SEMA3A: variants seen among roughly 807,000 people sequenced by gnomAD.
The protein encoded by SEMA3A is semaphorin-3A.
Under a neutral mutation model 97.9 loss-of-function variants are expected in SEMA3A, and 29 were observed. The observed-to-expected ratio is 0.30, with a 90% confidence interval of 0.22 to 0.40. SEMA3A has a LOEUF of 0.40. Among genes scored for constraint, SEMA3A ranks in the 10% least tolerant of loss-of-function variants. The probability of loss-of-function intolerance (pLI) is 1.00; values close to 1 mark genes in which losing one functional copy is unlikely to be tolerated. For synonymous variants in SEMA3A, 321 were observed against 323.7 expected, an observed-to-expected ratio of 0.99 and a Z score of 0.09; for missense variants, 763 against 951.3, an observed-to-expected ratio of 0.80 and a Z score of 2.60.
chr7:83,956,091 A>G lies in SEMA3A; in HGVS notation c.*5280T>C, dbSNP rs1212803696. Reference sequence around the variant, plus strand: ...AACTTTTTTGGTTTGTTTGTTTAAAATAATAGGAGTCTGCCTATCAACTAC... The same window carrying G: ...AACTTTTTTGGTTTGTTTGTTTAAAGTAATAGGAGTCTGCCTATCAACTAC... On this transcript the variant is annotated 3_prime_UTR_variant, in exon 17 of 17. Coordinates refer to ENST00000265362, the MANE Select transcript of SEMA3A (RefSeq NM_006080.3). 6.6e-6 allele frequency: 1 copy of G among 152,194 alleles called. No homozygotes were observed. The highest frequency in any genetic ancestry group is 1.5e-5 in the Non-Finnish European group (1 of 68,024). 9.4% of individuals were successfully genotyped at this position (152,194 alleles called of 1,614,324 possible).
At chr7:84,345,945 G>A (rs968254357) in intron 2 of SEMA3A, among the ~76,000 whole-genome samples, 1 of 152,128 alleles carries the variant, frequency 6.6e-6, no homozygotes, top group Non-Finnish European at 1.5e-5. Context: ...TAAAGTCCTA[G>A]GCATCTTCTT....
chr7:84,361,186 G>T (rs939272118), intron 2 of SEMA3A, among the ~76,000 whole-genome samples: 16 of 152,036 alleles, frequency 1.1e-4, no homozygotes, highest in African/African-American at 3.1e-4. Context: ...GGGAACAATG[G>T]CTGAGTTTCA....
intron 3 of SEMA3A, among the ~76,000 whole-genome samples, chr7:84,211,044 T>C (rs564547543): frequency 6.6e-6 from 1 of 152,346 alleles, no homozygotes; most frequent in East Asian, 1.9e-4. Flanking sequence ...GATATGTTCC[T>C]TTTAAAAATT....
chr7:84,409,145 T>C, intron 1 of SEMA3A, among the ~76,000 whole-genome samples: 1 of 150,896 alleles, frequency 6.6e-6, no homozygotes, highest in East Asian at 1.9e-4. Context: ...TAGGACACTA[T>C]CATTAAAAAT....
intron 1 of SEMA3A, among the ~76,000 whole-genome samples, chr7:84,425,024 A>G (rs1265847963): frequency 1.9e-5 from 2 of 103,076 alleles, no homozygotes; most frequent in Non-Finnish European, 3.4e-5. Context: ...ATTTATTTAT[A>G]TATAATTATT....
chr7:84,134,907 T>C lies in SEMA3A; in HGVS notation c.157A>G (p.Asn53Asp). 1 of 1,613,994 alleles carries C rather than the reference T, an allele frequency of 6.2e-7. No individual in the cohort carries two copies. Among genetic ancestry groups the C allele is most frequent in the Non-Finnish European group, 8.5e-7 (1 of 1,179,948 alleles). The change falls in exon 2 of 17, where the codon AAC (asparagine) becomes GAC (aspartate). Residue 53 changes from asparagine to aspartate, a missense_variant. Coordinates refer to ENST00000265362, the MANE Select transcript of SEMA3A (RefSeq NM_006080.3). ...NNVITFNGLA[N>D]SSSYHTFLLD... ...AGGAAGGTATGATAACTGGAGCTGT[T>C]GGCCAAGCCATTGAAAGTGATCACA...
chr7:83,985,467 G>C lies in SEMA3A; in HGVS notation c.1463C>G (p.Ala488Gly), dbSNP rs1264613867. The change falls in exon 13 of 17, where the codon GCT (alanine) becomes GGT (glycine). Residue 488 changes from alanine to glycine, a missense_variant. By Grantham distance (60) the Ala-to-Gly change is moderately conservative. Transcript: ENST00000265362. ...AGTGGAAAGCTCCATTGCTGAAATAGCAGTCGGTTCCTAAAGGAGAAAAAG... is the reference window on the plus strand; with the variant it reads ...AGTGGAAAGCTCCATTGCTGAAATACCAGTCGGTTCCTAAAGGAGAAAAAG... ...EEMTVFREPT[A>G]ISAMELSTKQ... 6.2e-7 allele frequency: 1 copy of C among 1,609,708 alleles called. No individual in the cohort carries two copies. Among genetic ancestry groups the C allele is most frequent in the Non-Finnish European group, 8.5e-7 (1 of 1,177,120 alleles).
intron 5 of SEMA3A, among the ~76,000 whole-genome samples, chr7:84,056,523 G>T (rs1248671276): frequency 2.0e-5 from 3 of 151,820 alleles, no homozygotes; most frequent in African/African-American, 7.3e-5. Flanking sequence ...CCATTATGTT[G>T]TTAACACCTT....
chr7:84,350,778 T>C (rs1376766306), intron 2 of SEMA3A, among the ~76,000 whole-genome samples: 2 of 152,114 alleles, frequency 1.3e-5, no homozygotes. Context: ...TTCTATATGG[T>C]TGCTATTTTA....
chr7:84,012,766 C>T (rs938054218), intron 7 of SEMA3A, among the ~76,000 whole-genome samples: 1 of 152,082 alleles, frequency 6.6e-6, no homozygotes, highest in African/African-American at 2.4e-5. Flanking sequence ...GTAATAAATT[C>T]TACTATTGAG....
At chr7:83,993,620 C>G (rs1196414415) in intron 12 of SEMA3A, among the ~76,000 whole-genome samples, 4 of 141,648 alleles carry the variant, frequency 2.8e-5, no homozygotes, top group Non-Finnish European at 6.1e-5. Flanking sequence ...AAATTCTTTT[C>G]TTTAAGAATG....
intron 2 of SEMA3A, among the ~76,000 whole-genome samples, chr7:84,329,298 A>C (rs1010208138): frequency 6.6e-6 from 1 of 152,012 alleles, no homozygotes; most frequent in African/African-American, 2.4e-5. Context: ...GTAAAAGATG[A>C]GTTTTGAGAT....
At chr7:84,110,340 G>A in intron 4 of SEMA3A, 130 bp downstream of exon 4, 2 of 926,792 alleles carry the variant, frequency 2.2e-6, no homozygotes, top group South Asian at 3.4e-5. Flanking sequence ...ATTAATAACA[G>A]CATCTGAGTT....
At chr7:84,446,830 C>A (rs1029558977) in intron 1 of SEMA3A, among the ~76,000 whole-genome samples, 5 of 152,094 alleles carry the variant, frequency 3.3e-5, no homozygotes, top group Admixed American at 3.3e-4. Flanking sequence ...GTGGGGGAGG[C>A]ACAGCCAGGC....
At chr7:84,406,909 TAA>T (rs1178875236) in intron 1 of SEMA3A, among the ~76,000 whole-genome samples, 1 of 152,246 alleles carries the variant, frequency 6.6e-6, no homozygotes, top group East Asian at 1.9e-4. Context: ...CTCAAAATAA[TAA>T]GAGTTATCTA....
At chr7:84,172,681 C>T (rs1482912972) in intron 1 of SEMA3A, among the ~76,000 whole-genome samples, 1 of 152,140 alleles carries the variant, frequency 6.6e-6, no homozygotes, top group African/African-American at 2.4e-5. Flanking sequence ...CTGCCTTGGC[C>T]TCCCAAAGTG....
In SEMA3A at chr7:83,956,887, A is replaced by G. The variant is rs1398401477; in HGVS notation, c.*4484T>C. On this transcript the variant is annotated 3_prime_UTR_variant, in exon 17 of 17. Coordinates refer to ENST00000265362, the MANE Select transcript of SEMA3A (RefSeq NM_006080.3). ...AGTCACTTATTCTCTGAAGCACCCC[A>G]TGATCTCTCTCCACAAGTTAATTCC... The G allele has an allele frequency of 6.6e-6, 1 of 151,610 alleles. No individual in the cohort carries two copies. The highest frequency in any genetic ancestry group is 1.5e-5 in the Non-Finnish European group (1 of 67,918). 9.4% of individuals were successfully genotyped at this position (151,610 alleles called of 1,614,324 possible). A position where few individuals can be genotyped will look rare whatever the true frequency, so the allele number is the denominator to read the frequency against.
chr7:84,186,994 A>G (rs1159015558), intron 1 of SEMA3A, among the ~76,000 whole-genome samples: 6 of 152,108 alleles, frequency 3.9e-5, no homozygotes, highest in African/African-American at 1.4e-4. Context: ...ATGGAAGTGG[A>G]TCATACTCTG....
rs1235389915 is a variant in SEMA3A at position 84,305,089 on chromosome 7, C to T, written c.-83+2118G>A. On this transcript the variant is annotated intron_variant, in intron 3 of 3. Coordinates refer to the SEMA3A transcript ENST00000424555. ...GGAAATAAATGTATCATGGATCTTG[C>T]TATGTAGGCATTGCTTAAGCAAATA... 3.3e-5 allele frequency among the ~76,000 whole-genome samples: 5 copies of T among 151,796 alleles called. No individual in the cohort carries two copies. The East Asian group carries it at 9.6e-4, about 29-fold the overall frequency.
Sources: allele counts gnomAD v4.1 joint callset (sites outside exome capture counted in the v4.1 genomes callset), GRCh38; gene constraint gnomAD v4.1.1; transcripts MANE v1.5; gene names NCBI Gene and HGNC (gene_info 2026-07-23, HGNC 2026-07-21).